Variants in DOCK1 observed in about 807,000 individuals in gnomAD.
DOCK1 encodes the protein dedicator of cytokinesis protein 1.
A neutral mutation model predicts 262.7 loss-of-function variants in DOCK1; 138 were observed. The observed-to-expected ratio is 0.53, with a 90% CI of 0.46 to 0.61. The LOEUF is 0.61. DOCK1 is among the 20% of genes least tolerant of loss of function. The pLI, the probability that DOCK1 is intolerant of heterozygous loss-of-function variation, is 0.00. For missense variants in DOCK1, 1,908 were observed against 2,370.7 expected, an observed-to-expected ratio of 0.80 and a Z score of 4.05; for synonymous variants, 866 against 867.4, an observed-to-expected ratio of 1.00 and a Z score of 0.03.
rs2040231248 is a variant in DOCK1, at chr10:126,996,826, C to T, written c.552C>T (p.Leu184=). 3 of 1,612,024 alleles carry T rather than the reference C, an allele frequency of 1.9e-6. No homozygotes were observed. The East Asian group carries it at 6.7e-5, about 36-fold the overall frequency. The change falls in exon 7 of 52, where the codon CTC becomes CTT. Residue 184 remains leucine, a synonymous_variant. Coordinates refer to ENST00000623213, the MANE Select transcript of DOCK1 (RefSeq NM_001290223.2). The part of the protein sequence containing the change: ...LDPELTSTIS[L]FRAHEIASKQ... ...CAGAATTAACTAGCACGATTAGTCT[C>T]TTCAGAGCTCATGAAATAGCTTCTA...
chr10:127,042,340 T>G (rs112170316), intron 19 of DOCK1, among the ~76,000 whole-genome samples: 18 of 152,328 alleles, frequency 1.2e-4, no homozygotes, highest in African/African-American at 4.3e-4. Flanking sequence ...ACCAGCCTTA[T>G]GAAAACCGGA....
At chr10:127,335,638 C>T (rs1455457701) in intron 29 of DOCK1, among the ~76,000 whole-genome samples, 1 of 151,882 alleles carries the variant, frequency 6.6e-6, no homozygotes, top group Non-Finnish European at 1.5e-5. Flanking sequence ...ACCTCTGCCT[C>T]CCGGGTTCCA....
chr10:127,035,893 T>C (rs2043562351), intron 18 of DOCK1, among the ~76,000 whole-genome samples: 1 of 151,992 alleles, frequency 6.6e-6, no homozygotes, highest in Non-Finnish European at 1.5e-5. Context: ...CCCCAGCAAC[T>C]TGGGAGGCTG....
intron 23 of DOCK1, among the ~76,000 whole-genome samples, chr10:127,077,429 C>T (rs1486975055): frequency 1.3e-5 from 2 of 152,158 alleles, no homozygotes; most frequent in Non-Finnish European, 2.9e-5. Flanking sequence ...ACCAAGAAAG[C>T]AGTGCTAAGT....
At chr10:127,450,103 A>G (rs2070858489) in intron 51 of DOCK1, among the ~76,000 whole-genome samples, 1 of 152,216 alleles carries the variant, frequency 6.6e-6, no homozygotes. Context: ...AACCTTAAAA[A>G]GACTTAATTG....
chr10:126,916,220 G>C (rs2032476471), intron 1 of DOCK1, among the ~76,000 whole-genome samples: 1 of 152,172 alleles, frequency 6.6e-6, no homozygotes, highest in Non-Finnish European at 1.5e-5. Flanking sequence ...AGGGGAGAGA[G>C]CAGGACCGTG....
rs2051522009 is a variant in DOCK1, at chr10:127,143,877, TG to T, written c.2847+16114del. Among the ~76,000 whole-genome samples the T allele has an allele frequency of 4.6e-5, 7 of 152,286 alleles. No homozygotes were observed. The South Asian group carries it at 1.5e-3, about 32-fold the overall frequency. On this transcript the variant is annotated intron_variant, in intron 27 of 51. Transcript: ENST00000623213. ...CTGAACACATCTCCGTGTGCATATC[TG>T]AGGGGCACTGGAAATCCAGCATGTC... is the stretch of plus-strand genomic sequence containing the variant.
At chr10:127,115,552 A>G (rs2049128957) in intron 25 of DOCK1, among the ~76,000 whole-genome samples, 1 of 152,256 alleles carries the variant, frequency 6.6e-6, no homozygotes, top group African/African-American at 2.4e-5. Context: ...ATTGTTGCCC[A>G]CATAGCTGAC....
At chr10:127,005,876 G>A (rs866219504) in intron 10 of DOCK1, among the ~76,000 whole-genome samples, 16 of 150,992 alleles carry the variant, frequency 1.1e-4, no homozygotes, top group Non-Finnish European at 1.5e-4. Context: ...ATTTTTAGGC[G>A]TGCAGTTCAG....
Position 127,261,145 on chromosome 10 carries a change from G to A in DOCK1, c.3044+3716G>A, listed in dbSNP as rs532144996. ...TGTGTGTGCCTGCATGTGTGTGCGT[G>A]TGTACCCGTGCTCATCTGTGTGTGT... On this transcript the variant is annotated intron_variant, in intron 29 of 51. Coordinates refer to ENST00000623213, the MANE Select transcript of DOCK1 (RefSeq NM_001290223.2). Among the ~76,000 whole-genome samples, 426 of 145,572 alleles carry A rather than the reference G, an allele frequency of 2.9e-3. 12 individuals carry two copies. The highest frequency in any genetic ancestry group is 8.9e-3 in the African/African-American group (340 of 38,364).
chr10:127,270,385 ATTCTATCCC>A (rs1406475393), intron 29 of DOCK1, among the ~76,000 whole-genome samples: 1 of 152,130 alleles, frequency 6.6e-6, no homozygotes, highest in African/African-American at 2.4e-5. Context: ...CATCCCATCC[ATTCTATCCC>A]TTTTCACTTA....
At chr10:126,964,054 A>G (rs2037479339) in intron 1 of DOCK1, among the ~76,000 whole-genome samples, 1 of 152,196 alleles carries the variant, frequency 6.6e-6, no homozygotes, top group Admixed American at 6.5e-5. Flanking sequence ...GGCTACTGGG[A>G]TCACATTCTC....
At chr10:126,964,288 T>C (rs980544489) in intron 1 of DOCK1, among the ~76,000 whole-genome samples, 10 of 152,174 alleles carry the variant, frequency 6.6e-5, no homozygotes, top group Middle Eastern at 3.2e-3. Context: ...CTCTCTGGGG[T>C]TACATCTGGC....
At chr10:127,266,480 A>AACACACAC (rs68190118) in intron 29 of DOCK1, among the ~76,000 whole-genome samples, 45,377 of 149,056 alleles carry the variant, frequency 0.3, 6,682 homozygotes, top group East Asian at 0.38. Flanking sequence ...TAAGTACCAA[A>AACACACAC]ACACACACAC....
At chr10:127,234,661 A>G (rs1051376101) in intron 27 of DOCK1, among the ~76,000 whole-genome samples, 9 of 152,260 alleles carry the variant, frequency 5.9e-5, no homozygotes, top group Admixed American at 3.3e-4. Context: ...TCTAAAGTAC[A>G]TGCAAAAGAA....
chr10:126,907,932 T>A (rs548587904), intron 1 of DOCK1, among the ~76,000 whole-genome samples: 1 of 152,196 alleles, frequency 6.6e-6, no homozygotes, highest in East Asian at 1.9e-4. Context: ...TGTTGGAAAA[T>A]TTTAAAAGGC....
At chr10:126,949,082 C>A (rs1441047969) in intron 1 of DOCK1, among the ~76,000 whole-genome samples, 1 of 152,134 alleles carries the variant, frequency 6.6e-6, no homozygotes, top group Non-Finnish European at 1.5e-5. Context: ...GGGAGTGGTG[C>A]ACGTTCTGCT....
intron 1 of DOCK1, among the ~76,000 whole-genome samples, chr10:126,907,431 G>A (rs2031073775): frequency 6.6e-6 from 1 of 152,070 alleles, no homozygotes; most frequent in Admixed American, 6.5e-5. Flanking sequence ...GGCCATCACT[G>A]CTCCCATTCT....
chr10:127,049,137 A>G (rs753055146), intron 21 of DOCK1, among the ~76,000 whole-genome samples: 3 of 152,234 alleles, frequency 2.0e-5, no homozygotes, highest in Non-Finnish European at 4.4e-5. Flanking sequence ...GGAAACTTCA[A>G]TTGTATATAT....
Sources: allele counts gnomAD v4.1 joint callset (sites outside exome capture counted in the v4.1 genomes callset), GRCh38; gene constraint gnomAD v4.1.1; transcripts MANE v1.5; gene names NCBI Gene and HGNC (gene_info 2026-07-23, HGNC 2026-07-21).